Variants in FAM13B observed in about 807,000 individuals in gnomAD.
The protein encoded by FAM13B is protein FAM13B.
A neutral mutation model predicts 117.3 loss-of-function variants in FAM13B; 60 were observed. That is an observed-to-expected ratio of 0.51 (90% CI 0.42 to 0.63). FAM13B has a LOEUF of 0.63. Among genes scored for constraint, FAM13B ranks in the 30% least tolerant of loss-of-function variants. The pLI is 0.00. For synonymous variants in FAM13B, 332 were observed against 356.1 expected (o/e 0.93, Z 0.76); for missense variants, 972 against 1,091.9 (o/e 0.89, Z 1.55).
At chr5:137,941,089 C>T (rs1761632314) in intron 23 of FAM13B, among the ~76,000 whole-genome samples, 3 of 151,838 alleles carry the variant, frequency 2.0e-5, no homozygotes, top group African/African-American at 7.3e-5. Context: ...TTGTATTTTT[C>T]GGTAGAGACA....
Position 137,943,040 on chromosome 5 carries a change from TA to T in FAM13B, c.2425-3del. 6.2e-7 allele frequency: 1 copy of T among 1,612,642 alleles called. No individual in the cohort carries two copies. The highest frequency in any genetic ancestry group is 8.5e-7 in the Non-Finnish European group (1 of 1,179,458). ...ATTAACACCATCTTCTTCTTCCTCC[TA>T]AAAAGATATCCAAACAGAGAATCAA... On this transcript the variant is annotated splice_polypyrimidine_tract_variant and splice_region_variant and intron_variant, in intron 21 of 23. Coordinates refer to ENST00000689681, the MANE Select transcript of FAM13B (RefSeq NM_001385994.1).
chr5:138,022,034 T>TGA (rs1167763077), intron 1 of FAM13B, among the ~76,000 whole-genome samples: 3 of 151,196 alleles, frequency 2.0e-5, no homozygotes, highest in Non-Finnish European at 2.9e-5. Context: ...GGATCACTTC[T>TGA]GCCAGGAGGT....
chr5:138,001,933 A>C (rs1781365454), intron 7 of FAM13B, among the ~76,000 whole-genome samples: 1 of 152,184 alleles, frequency 6.6e-6, no homozygotes, highest in Admixed American at 6.5e-5. Flanking sequence ...CAAGAGATAA[A>C]GGAAAAACGG....
intron 17 of FAM13B, among the ~76,000 whole-genome samples, chr5:137,950,299 C>T (rs1561737243): frequency 1.3e-5 from 2 of 152,134 alleles, no homozygotes; most frequent in South Asian, 2.1e-4. Context: ...TGGTAGAATA[C>T]GGAATAAGGA....
At chr5:138,004,256 G>A (rs544431476) in intron 7 of FAM13B, among the ~76,000 whole-genome samples, 42 of 150,540 alleles carry the variant, frequency 2.8e-4, no homozygotes, top group African/African-American at 9.0e-4. Context: ...GCAACAGAGC[G>A]CAACTCCATC....
intron 13 of FAM13B, among the ~76,000 whole-genome samples, chr5:137,959,108 T>C (rs1767392967): frequency 6.6e-6 from 1 of 152,188 alleles, no homozygotes; most frequent in Non-Finnish European, 1.5e-5. Flanking sequence ...TTTGTGCAAA[T>C]TTTTAGAGTC....
At chr5:137,961,321 A>T (rs1333566202) in intron 11 of FAM13B, among the ~76,000 whole-genome samples, 2 of 35,016 alleles carry the variant, frequency 5.7e-5, no homozygotes, top group Non-Finnish European at 1.1e-4. Context: ...CAAAAACAAC[A>T]ACAACAACAA....
chr5:138,006,044 G>A (rs929957906), intron 7 of FAM13B, among the ~76,000 whole-genome samples: 7 of 151,792 alleles, frequency 4.6e-5, no homozygotes, highest in African/African-American at 7.3e-5. Context: ...GACTACAGGC[G>A]CGCGCCACCA....
upstream of FAM13B, chr5:138,036,777 T>C (rs1256181838): frequency 2.8e-6 from 1 of 357,560 alleles, no homozygotes; most frequent in African/African-American, 2.1e-5. Context: ...ATAATAATCT[T>C]GTTGCTTCAG....
chr5:137,994,109 G>A (rs1300508598), intron 7 of FAM13B, among the ~76,000 whole-genome samples: 2 of 152,148 alleles, frequency 1.3e-5, no homozygotes, highest in Non-Finnish European at 2.9e-5. Context: ...AATTGCTACT[G>A]AAAACTACAA....
At chr5:137,956,150 TTTAG>T (rs1766483571) in intron 14 of FAM13B, among the ~76,000 whole-genome samples, 1 of 152,214 alleles carries the variant, frequency 6.6e-6, no homozygotes, top group South Asian at 2.1e-4. Flanking sequence ...AAGAACATAA[TTTAG>T]TTTGTTTTTG....
chr5:138,031,140 T>C (rs1561550770), intron 1 of FAM13B, among the ~76,000 whole-genome samples: 1 of 152,188 alleles, frequency 6.6e-6, no homozygotes, highest in Non-Finnish European at 1.5e-5. Flanking sequence ...TCATAACTGA[T>C]TATAAAAGCA....
rs1407727105 is a variant in FAM13B at position 137,939,402 on chromosome 5, T to C, written c.*823A>G. 1 of 152,670 alleles carries C rather than the reference T, an allele frequency of 6.6e-6. No homozygotes were observed. The highest frequency in any genetic ancestry group is 1.5e-5 in the Non-Finnish European group (1 of 68,086). The allele number at this position is 152,670 out of a possible 1,614,324, so 9.5% of individuals were successfully genotyped here. A position where few individuals can be genotyped will look rare whatever the true frequency, so the allele number is the denominator to read the frequency against. On this transcript the variant is annotated 3_prime_UTR_variant, in exon 24 of 24. Transcript: ENST00000689681. ...CTGACATGGCTATTTTCTCACATTA[T>C]CTGGAGGTGGGTTGGGGAATAGCGC...
Position 137,961,472 on chromosome 5 carries a change from G to C in FAM13B, c.1244+933C>G, listed in dbSNP as rs1454837416. 2.0e-5 allele frequency among the ~76,000 whole-genome samples: 3 copies of C among 152,158 alleles called. No individual in the cohort carries two copies. The East Asian group carries it at 5.8e-4, about 29-fold the overall frequency. Reference sequence around the variant, plus strand: ...CATAGCTCCAATACTTCCTGGGCTGGAAGAGGATGATTCCTGCCTCCTGAA... The same window carrying C: ...CATAGCTCCAATACTTCCTGGGCTGCAAGAGGATGATTCCTGCCTCCTGAA... On this transcript the variant is annotated intron_variant, in intron 11 of 23. Transcript: ENST00000689681.
intron 10 of FAM13B, among the ~76,000 whole-genome samples, chr5:137,983,786 C>T (rs1776485128): frequency 6.6e-6 from 1 of 152,004 alleles, no homozygotes; most frequent in African/African-American, 2.4e-5. Context: ...AGGTATTACC[C>T]CCACTTATTT....
At chr5:137,994,874 T>A (rs1277375549) in intron 7 of FAM13B, among the ~76,000 whole-genome samples, 1 of 152,180 alleles carries the variant, frequency 6.6e-6, no homozygotes, top group Non-Finnish European at 1.5e-5. Context: ...CTTACTCCAG[T>A]CACTAATATT....
chr5:137,954,017 A>G, intron 15 of FAM13B, 149 bp downstream of exon 15: 1 of 625,508 alleles, frequency 1.6e-6, no homozygotes, highest in Admixed American at 3.2e-5. Context: ...TCTGAATTCT[A>G]TGTCTAGAAG....
chr5:138,023,990 C>T (rs1209564144), intron 1 of FAM13B, among the ~76,000 whole-genome samples: 1 of 152,180 alleles, frequency 6.6e-6, no homozygotes, highest in Non-Finnish European at 1.5e-5. Context: ...GAGCACATTG[C>T]TGAGAACTCT....
At chr5:137,946,342 CAAA>C in intron 18 of FAM13B, 31 bp from the exon 19 acceptor site, 18 of 918,948 alleles carry the variant, frequency 2.0e-5, no homozygotes, top group South Asian at 6.5e-5. Context: ...TAACAAAATA[CAAA>C]AAAAAAAAAA....
Sources: allele counts gnomAD v4.1 joint callset (sites outside exome capture counted in the v4.1 genomes callset), GRCh38; gene constraint gnomAD v4.1.1; transcripts MANE v1.5; gene names NCBI Gene and HGNC (gene_info 2026-07-23, HGNC 2026-07-21).